Variants in FSTL5 observed in about 807,000 individuals in gnomAD.
FSTL5 encodes the protein follistatin like 5, also known as follistatin-related protein 5.
A neutral mutation model predicts 89.1 loss-of-function variants in FSTL5; 62 were observed. The observed-to-expected ratio is 0.70, with a 90% CI of 0.57 to 0.86. The LOEUF (loss-of-function observed/expected upper bound fraction) is 0.86. Among genes scored for constraint, FSTL5 ranks in the 40% least tolerant of loss-of-function variants. The pLI is 0.00. For synonymous variants in FSTL5, 383 were observed against 346.2 expected (o/e 1.11, Z -1.18); for missense variants, 1,057 against 1,001.6 (o/e 1.06, Z -0.75).
intron 7 of FSTL5, among the ~76,000 whole-genome samples, chr4:161,628,670 T>G (rs1735395259): frequency 6.6e-6 from 1 of 152,206 alleles, no homozygotes; most frequent in Non-Finnish European, 1.5e-5. Context: ...GTTTGAATTT[T>G]ACAATGCATC....
chr4:161,570,020 C>T (rs965992862), intron 8 of FSTL5, among the ~76,000 whole-genome samples: 1 of 152,120 alleles, frequency 6.6e-6, no homozygotes, highest in African/African-American at 2.4e-5. Flanking sequence ...TACTCATGTA[C>T]ATTTAAAAAT....
chr4:161,962,451 C>A (rs1234328238), intron 3 of FSTL5, among the ~76,000 whole-genome samples: 2 of 151,872 alleles, frequency 1.3e-5, no homozygotes, highest in South Asian at 2.1e-4. Flanking sequence ...CATCTGGAAC[C>A]CTCTAATTGA....
chr4:161,962,119 A>C (rs973299342), intron 3 of FSTL5, among the ~76,000 whole-genome samples: 2 of 151,980 alleles, frequency 1.3e-5, no homozygotes, highest in African/African-American at 4.8e-5. Context: ...CAGGAATATT[A>C]AATATGAGTA....
chr4:161,837,877 T>C (rs1731094915), intron 4 of FSTL5, among the ~76,000 whole-genome samples: 2 of 152,146 alleles, frequency 1.3e-5, no homozygotes, highest in Admixed American at 1.3e-4. Context: ...TTTGAATACC[T>C]CTATTTATAA....
At chr4:161,399,952 AATAAGTCTGG>A (rs1396476033) in intron 15 of FSTL5, among the ~76,000 whole-genome samples, 1 of 152,142 alleles carries the variant, frequency 6.6e-6, no homozygotes, top group Non-Finnish European at 1.5e-5. Context: ...CGATTGTGTG[AATAAGTCTGG>A]ATAAATGTTA....
chr4:161,669,111 C>CAAAAAAAAAAAAAAAAAAAAAAAA (rs33950474), intron 6 of FSTL5, among the ~76,000 whole-genome samples: 1 of 104,650 alleles, frequency 9.6e-6, no homozygotes, highest in Non-Finnish European at 1.9e-5. Flanking sequence ...GACTCTGTCT[C>CAAAAAAAAAAAAAAAAAAAAAAAA]AAAAAAAAAA....
At chr4:161,836,850 C>G (rs1579129403) in intron 4 of FSTL5, among the ~76,000 whole-genome samples, 1 of 151,854 alleles carries the variant, frequency 6.6e-6, no homozygotes, top group African/African-American at 2.4e-5. Flanking sequence ...TTTTCAAAAT[C>G]TGGACTATTT....
intron 7 of FSTL5, among the ~76,000 whole-genome samples, chr4:161,598,128 T>C (rs1430183064): frequency 6.6e-6 from 1 of 152,118 alleles, no homozygotes; most frequent in African/African-American, 2.4e-5. Context: ...TCCCAGCAGT[T>C]TGGGAGGTTG....
At chr4:161,468,129 T>A (rs938967649) in intron 13 of FSTL5, among the ~76,000 whole-genome samples, 6 of 152,112 alleles carry the variant, frequency 3.9e-5, no homozygotes, top group Admixed American at 3.9e-4. Context: ...TGAAAACCCT[T>A]TTTTATAATT....
Position 161,725,059 on chromosome 4 carries a change from G to A in FSTL5, c.727+34352C>T, listed in dbSNP as rs975448590. Among the ~76,000 whole-genome samples the A allele has an allele frequency of 1.6e-4, 25 of 152,076 alleles. 1 individual carries two copies. The highest frequency in any genetic ancestry group is 4.4e-5 in the Non-Finnish European group (3 of 68,020). On this transcript the variant is annotated intron_variant, in intron 6 of 15. Coordinates refer to ENST00000306100, the MANE Select transcript of FSTL5 (RefSeq NM_020116.5). ...AAAAATACAAAAATTAGCTGGGCGT[G>A]GTGTCACGTGCCTGTAGTCCCAGCT...
At chr4:161,983,074 G>A (rs1735869932) in intron 3 of FSTL5, among the ~76,000 whole-genome samples, 1 of 152,176 alleles carries the variant, frequency 6.6e-6, no homozygotes, top group African/African-American at 2.4e-5. Flanking sequence ...GAAAGTTCCA[G>A]TTTTTGTACG....
chr4:161,678,345 A>G (rs1737393955), intron 6 of FSTL5, among the ~76,000 whole-genome samples: 1 of 151,876 alleles, frequency 6.6e-6, no homozygotes, highest in Admixed American at 6.6e-5. Context: ...GAATAGTGTC[A>G]AAATTTTTTT....
rs192026795 is a variant in FSTL5 at position 161,573,281 on chromosome 4, A to G, written c.1015+14174T>C. 2.2e-4 allele frequency among the ~76,000 whole-genome samples: 34 copies of G among 152,052 alleles called. No individual in the cohort carries two copies. The East Asian group carries it at 6.6e-3, about 30-fold the overall frequency. On this transcript the variant is annotated intron_variant, in intron 8 of 15. Coordinates refer to ENST00000306100, the MANE Select transcript of FSTL5 (RefSeq NM_020116.5). ...AAAAATTAGCCAAGTGTGCTGGCAC[A>G]TGCCTGTAGTCCCTGCTACCTGGGA...
chr4:161,625,174 T>G (rs983374660), intron 7 of FSTL5, among the ~76,000 whole-genome samples: 1 of 152,172 alleles, frequency 6.6e-6, no homozygotes, highest in African/African-American at 2.4e-5. Flanking sequence ...AATGTTTCTA[T>G]AGGTACTAGT....
intron 7 of FSTL5, among the ~76,000 whole-genome samples, chr4:161,596,444 C>G (rs932567483): frequency 6.6e-6 from 1 of 151,704 alleles, no homozygotes; most frequent in Non-Finnish European, 1.5e-5. Flanking sequence ...ATGATGAGAA[C>G]TTTGTGAACA....
chr4:161,493,127 T>C (rs913250287), intron 12 of FSTL5, among the ~76,000 whole-genome samples: 2 of 151,776 alleles, frequency 1.3e-5, no homozygotes, highest in African/African-American at 4.8e-5. Flanking sequence ...AAACTTATAG[T>C]TAAATGAAAA....
At chr4:161,608,294 T>A (rs567297732) in intron 7 of FSTL5, among the ~76,000 whole-genome samples, 25 of 152,246 alleles carry the variant, frequency 1.6e-4, no homozygotes, top group African/African-American at 5.5e-4. Context: ...GGGAATAAAC[T>A]TTTTAAAGTA....
At chr4:161,601,841 G>T (rs537775404) in intron 7 of FSTL5, among the ~76,000 whole-genome samples, 6 of 151,992 alleles carry the variant, frequency 3.9e-5, no homozygotes, top group Non-Finnish European at 8.8e-5. Flanking sequence ...AGAAAAAGAG[G>T]CATGCCTACT....
At chr4:161,564,053 G>A (rs1732709961) in intron 8 of FSTL5, among the ~76,000 whole-genome samples, 1 of 151,716 alleles carries the variant, frequency 6.6e-6, no homozygotes, top group Non-Finnish European at 1.5e-5. Context: ...GAAATTTATT[G>A]TCTAGACATT....
Sources: allele counts gnomAD v4.1 joint callset (sites outside exome capture counted in the v4.1 genomes callset), GRCh38; gene constraint gnomAD v4.1.1; transcripts MANE v1.5; gene names NCBI Gene and HGNC (gene_info 2026-07-23, HGNC 2026-07-21).